The following PDXDC1 variants were observed in gnomAD, a reference collection of about 807,000 sequenced individuals.
The protein encoded by PDXDC1 is pyridoxal-dependent decarboxylase domain-containing protein 1.
In PDXDC1, 42 loss-of-function variants were observed where a neutral mutation model predicts 100.1. That is an observed-to-expected ratio of 0.42 (90% CI 0.33 to 0.54). The LOEUF (loss-of-function observed/expected upper bound fraction) is 0.54. Ranked by LOEUF, PDXDC1 falls within the 20% of genes least tolerant of loss-of-function variation. The pLI is 0.10. For missense variants in PDXDC1, 636 were observed against 979.2 expected (o/e 0.65, Z 4.68); for synonymous variants, 260 against 371.7 (o/e 0.70, Z 3.46).
At chr16:15,007,423 C>G (rs1369499708) in intron 6 of PDXDC1, among the ~76,000 whole-genome samples, 2 of 152,184 alleles carry the variant, frequency 1.3e-5, no homozygotes, top group East Asian at 1.9e-4. Context: ...ATCTGCCCAC[C>G]TCAGCCTCCC....
chr16:15,072,129 A>G (rs1019010121), intron 16 of PDXDC1, among the ~76,000 whole-genome samples: 38 of 152,110 alleles, frequency 2.5e-4, no homozygotes, highest in Middle Eastern at 3.4e-3. Flanking sequence ...AGCTAGGCAC[A>G]CCCATGTGGG....
intron 16 of PDXDC1, chr16:15,110,417 T>TC: frequency 6.4e-7 from 1 of 1,571,828 alleles, no homozygotes; most frequent in Non-Finnish European, 8.6e-7. Context: ...ATCTTACTGT[T>TC]CTTTGGCGGT....
At chr16:14,993,955 C>G (rs1971431224) in intron 1 of PDXDC1, among the ~76,000 whole-genome samples, 1 of 152,294 alleles carries the variant, frequency 6.6e-6, no homozygotes. Flanking sequence ...TGAGAAGTGT[C>G]TGTTCATATC....
At chr16:15,148,063 A>G in the PDXDC1 span, among the ~76,000 whole-genome samples, 1 of 151,390 alleles carries the variant, frequency 6.6e-6, no homozygotes, top group African/African-American at 2.4e-5. Context: ...ATCACAGCTA[A>G]CTGCAGTCTC....
intron 1 of PDXDC1, chr16:14,990,239 C>T (rs1315905431): frequency 8.0e-5 from 66 of 823,020 alleles, no homozygotes; most frequent in Non-Finnish European, 9.1e-5. Context: ...CCGCCCGTGC[C>T]TCACTGCCCG....
chr16:15,131,583 G>A lies in PDXDC1; in HGVS notation c.1400-7296G>A, dbSNP rs376406328. The A allele has an allele frequency of 1.9e-4, 311 of 1,606,056 alleles. 1 individual carries two copies. In the East Asian group the frequency reaches 5.6e-3, roughly 29 times the overall value. On this transcript the variant is annotated intron_variant, in intron 16 of 16. Transcript: ENST00000535621. ...CGTTGAGCACGCGGGAGCGCGTGAGGATGCGCATGAGGGCAGAGGTCAGGT... is the reference window on the plus strand; with the variant it reads ...CGTTGAGCACGCGGGAGCGCGTGAGAATGCGCATGAGGGCAGAGGTCAGGT...
intron 1 of PDXDC1, chr16:14,990,053 C>T: frequency 6.7e-7 from 1 of 1,492,666 alleles, no homozygotes; most frequent in Non-Finnish European, 8.9e-7. Context: ...CGCCGGACCC[C>T]CCAAACCACA....
intron 16 of PDXDC1, chr16:15,044,348 G>C (rs1173377255): frequency 6.2e-7 from 1 of 1,610,410 alleles, no homozygotes; most frequent in Non-Finnish European, 8.5e-7. Flanking sequence ...AAGTTGATGA[G>C]TGAGTTTTTG....
intron 16 of PDXDC1, among the ~76,000 whole-genome samples, chr16:15,085,923 T>C (rs968620539): frequency 1.1e-4 from 17 of 152,136 alleles, no homozygotes; most frequent in African/African-American, 3.4e-4. Context: ...AGGAGTTCAA[T>C]AAAGCAAATA....
chr16:15,111,266 C>G (rs1233038864), intron 16 of PDXDC1, among the ~76,000 whole-genome samples: 2 of 145,916 alleles, frequency 1.4e-5, no homozygotes, highest in Non-Finnish European at 3.0e-5. Context: ...AGACCAGCCT[C>G]ACCAACATGG....
intron 16 of PDXDC1, among the ~76,000 whole-genome samples, chr16:15,057,080 T>C (rs999876705): frequency 2.0e-5 from 3 of 152,154 alleles, no homozygotes; most frequent in African/African-American, 7.2e-5. Flanking sequence ...TTACAAAAGA[T>C]ACAGAGGAGC....
chr16:15,141,538 G>A (rs1348933919), downstream of PDXDC1, among the ~76,000 whole-genome samples: 9 of 152,302 alleles, frequency 5.9e-5, no homozygotes, highest in South Asian at 1.7e-3. Flanking sequence ...GCCTATGCCT[G>A]TGCCCTGGGC....
chr16:15,140,558 A>G (rs2048455475), downstream of PDXDC1, among the ~76,000 whole-genome samples: 1 of 152,100 alleles, frequency 6.6e-6, no homozygotes, highest in Non-Finnish European at 1.5e-5. Flanking sequence ...AAGAAGCACA[A>G]TTGGTCACAG....
downstream of PDXDC1, among the ~76,000 whole-genome samples, chr16:15,141,919 C>T (rs995608558): frequency 6.6e-6 from 1 of 152,160 alleles, no homozygotes; most frequent in African/African-American, 2.4e-5. Flanking sequence ...GCGGCTGCGG[C>T]GGCAGCAGAA....
At chr16:14,978,388 G>A (rs1318688932) in intron 1 of PDXDC1, among the ~76,000 whole-genome samples, 1 of 152,276 alleles carries the variant, frequency 6.6e-6, no homozygotes, top group Admixed American at 6.5e-5. Context: ...GTAAAAACCT[G>A]TTATATTATT....
chr16:15,109,180 A>C (rs956915886), intron 16 of PDXDC1: 2 of 149,262 alleles, frequency 1.3e-5, no homozygotes, highest in African/African-American at 4.9e-5. Context: ...GGGCAGCAAA[A>C]TACAATGTAA....
At chr16:15,029,281 G>C (rs1410864709) in intron 15 of PDXDC1, 2 of 574,666 alleles carry the variant, frequency 3.5e-6, no homozygotes, top group African/African-American at 3.7e-5. Flanking sequence ...ACAGCCGGGA[G>C]CCCCAGGCAG....
intron 16 of PDXDC1, among the ~76,000 whole-genome samples, chr16:15,082,347 A>G (rs2045742832): frequency 1.3e-5 from 2 of 152,002 alleles, no homozygotes; most frequent in African/African-American, 4.8e-5. Flanking sequence ...TTCTATTGCT[A>G]CAAAATATTT....
chr16:14,981,830 GTTTC>G (rs1968060866), intron 1 of PDXDC1, among the ~76,000 whole-genome samples: 2 of 146,690 alleles, frequency 1.4e-5, no homozygotes, highest in Non-Finnish European at 3.0e-5. Flanking sequence ...CTTTTCTTTT[GTTTC>G]TTTTTTTTTT....
Sources: allele counts gnomAD v4.1 joint callset (sites outside exome capture counted in the v4.1 genomes callset), GRCh38; gene constraint gnomAD v4.1.1; transcripts MANE v1.5; gene names NCBI Gene and HGNC (gene_info 2026-07-23, HGNC 2026-07-21).